The following LOC128462377 variants were observed in gnomAD, a reference collection of about 807,000 sequenced individuals.
the LOC128462377 span, among the ~76,000 whole-genome samples, chr16:89,345,460 A>C: frequency 1.4e-4 from 21 of 152,158 alleles, no homozygotes; most frequent in African/African-American, 4.8e-4. Flanking sequence ...CCCTGCAGCC[A>C]CGGAAGGACG....
the LOC128462377 span, chr16:89,361,627 G>A: frequency 6.2e-4 from 94 of 152,336 alleles, no homozygotes; most frequent in African/African-American, 2.1e-3. Flanking sequence ...GCCGCTCTGA[G>A]GGCAGTGGGA....
the LOC128462377 span, among the ~76,000 whole-genome samples, chr16:89,358,267 G>C: frequency 6.6e-6 from 1 of 152,240 alleles, no homozygotes; most frequent in African/African-American, 2.4e-5. Flanking sequence ...GCTTGCAGAA[G>C]ACGTAGAGCA....
At chr16:89,399,946 T>C in the LOC128462377 span, among the ~76,000 whole-genome samples, 1 of 152,012 alleles carries the variant, frequency 6.6e-6, no homozygotes, top group Non-Finnish European at 1.5e-5. Flanking sequence ...GTAAGCCGAG[T>C]GACACAAGAG....
chr16:89,416,354 C>T, the LOC128462377 span, among the ~76,000 whole-genome samples: 4 of 152,022 alleles, frequency 2.6e-5, no homozygotes, highest in East Asian at 7.8e-4. Flanking sequence ...GGCTCAAGTG[C>T]GGTGTTGTGA....
chr16:89,413,186 A>G, the LOC128462377 span, among the ~76,000 whole-genome samples: 1 of 152,258 alleles, frequency 6.6e-6, no homozygotes, highest in Middle Eastern at 3.2e-3. Flanking sequence ...GCCTAGCCAC[A>G]GATAATTCCT....
chr16:89,345,358 C>A, the LOC128462377 span, among the ~76,000 whole-genome samples: 1 of 151,966 alleles, frequency 6.6e-6, no homozygotes, highest in East Asian at 1.9e-4. Context: ...GCACCTGGTG[C>A]CCCATCTGGG....
chr16:89,358,999 AT>A, the LOC128462377 span, among the ~76,000 whole-genome samples: 3 of 152,008 alleles, frequency 2.0e-5, no homozygotes, highest in Non-Finnish European at 2.9e-5. Context: ...CTAATTTTCT[AT>A]TTTTTGTAAA....
the LOC128462377 span, among the ~76,000 whole-genome samples, chr16:89,378,582 G>A: frequency 1.3e-5 from 2 of 152,322 alleles, no homozygotes; most frequent in Admixed American, 6.5e-5. Flanking sequence ...TAGTCTGGCT[G>A]AGAACACACA....
chr16:89,416,063 C>T, the LOC128462377 span, among the ~76,000 whole-genome samples: 1 of 151,958 alleles, frequency 6.6e-6, no homozygotes, highest in Admixed American at 6.6e-5. Context: ...AAGACAAAAT[C>T]AATACTGAGG....
chr16:89,404,191 G>C, the LOC128462377 span, among the ~76,000 whole-genome samples: 2 of 152,148 alleles, frequency 1.3e-5, no homozygotes, highest in African/African-American at 2.4e-5. Flanking sequence ...ACCAGCCTCA[G>C]GCAGCATGGG....
chr16:89,394,927 G>A, the LOC128462377 span, among the ~76,000 whole-genome samples: 1 of 152,152 alleles, frequency 6.6e-6, no homozygotes, highest in Non-Finnish European at 1.5e-5. Context: ...ATTCAGAGGC[G>A]ACAGTTTTTC....
the LOC128462377 span, among the ~76,000 whole-genome samples, chr16:89,407,142 G>A: frequency 6.6e-6 from 1 of 151,826 alleles, no homozygotes; most frequent in South Asian, 2.1e-4. Flanking sequence ...GTTGAGACGT[G>A]CCACTGCACT....
the LOC128462377 span, chr16:89,372,981 C>A: frequency 1.3e-5 from 2 of 152,210 alleles, no homozygotes; most frequent in Admixed American, 6.5e-5. Context: ...CCTACATACA[C>A]CCCGAGGAAG....
chr16:89,361,313 C>T, the LOC128462377 span, among the ~76,000 whole-genome samples: 1 of 152,202 alleles, frequency 6.6e-6, no homozygotes, highest in African/African-American at 2.4e-5. Flanking sequence ...ACACACAGAA[C>T]CATCACAGCG....
the LOC128462377 span, among the ~76,000 whole-genome samples, chr16:89,357,676 C>A: frequency 6.6e-6 from 1 of 152,198 alleles, no homozygotes; most frequent in Non-Finnish European, 1.5e-5. Flanking sequence ...CGCGACTCAG[C>A]CCTAACGAGG....
At chr16:89,399,759 T>G in the LOC128462377 span, among the ~76,000 whole-genome samples, 11 of 152,268 alleles carry the variant, frequency 7.2e-5, no homozygotes, top group African/African-American at 2.6e-4. Context: ...CTCTGTAATT[T>G]ATGTTCTATT....
At chr16:89,323,555 GTC>G in the LOC128462377 span, among the ~76,000 whole-genome samples, 1 of 31,650 alleles carries the variant, frequency 3.2e-5, no homozygotes, top group Non-Finnish European at 7.6e-5. Flanking sequence ...AGGGCAGGGG[GTC>G]TGAGCTAAGG....
chr16:89,351,743 G>C, the LOC128462377 span, among the ~76,000 whole-genome samples: 1 of 152,204 alleles, frequency 6.6e-6, no homozygotes, highest in Non-Finnish European at 1.5e-5. Flanking sequence ...AGAGGCTGCA[G>C]GGGGAACAAG....
At chr16:89,410,849 C>A in the LOC128462377 span, among the ~76,000 whole-genome samples, 2 of 152,226 alleles carry the variant, frequency 1.3e-5, no homozygotes, top group African/African-American at 4.8e-5. Flanking sequence ...CCAACTGTGG[C>A]CAGGGCAAGA....
Sources: allele counts gnomAD v4.1 joint callset (sites outside exome capture counted in the v4.1 genomes callset), GRCh38; gene constraint gnomAD v4.1.1; transcripts MANE v1.5.